ZDHHC11B: variants seen among roughly 807,000 people sequenced by gnomAD.
The protein encoded by ZDHHC11B is probable palmitoyltransferase ZDHHC11B.
In ZDHHC11B, 17 loss-of-function variants were observed where a neutral mutation model predicts 42.3. That is an observed-to-expected ratio of 0.40 (90% confidence interval 0.27 to 0.60). The LOEUF (loss-of-function observed/expected upper bound fraction) is 0.60, where lower values mean the gene tolerates loss of function less well. Ranked by LOEUF, ZDHHC11B falls within the 20% of genes least tolerant of loss-of-function variation. The probability of loss-of-function intolerance (pLI) is 0.41; values close to 1 mark genes in which losing one functional copy is unlikely to be tolerated. For synonymous variants in ZDHHC11B, 123 were observed against 193.5 expected (o/e 0.64, Z 3.02); for missense variants, 262 against 463.2 (o/e 0.57, Z 3.99).
At chr5:767,600 C>A in intron 2 of ZDHHC11B, 76 bp from the exon 3 acceptor site, 3 of 1,157,404 alleles carry the variant, frequency 2.6e-6, no homozygotes, top group Non-Finnish European at 3.6e-6. Flanking sequence ...CCCCGCTTCT[C>A]CAGGGGCTGA....
intron 13 of ZDHHC11B, among the ~76,000 whole-genome samples, chr5:714,003 T>C (rs1354136706): frequency 3.6e-5 from 5 of 140,288 alleles, no homozygotes; most frequent in African/African-American, 1.3e-4. Flanking sequence ...AGATTTCTCT[T>C]TGGGTTCCTC....
At chr5:754,885 G>A (rs1733597481) in intron 6 of ZDHHC11B, 113 bp downstream of exon 6, 2 of 435,290 alleles carry the variant, frequency 4.6e-6, no homozygotes, top group South Asian at 3.6e-5. Context: ...ACAGGGACGT[G>A]GCCCCAAGAG....
chr5:727,040 C>T lies in ZDHHC11B; in HGVS notation c.1058+3394G>A, dbSNP rs1254902424. On this transcript the variant is annotated intron_variant, in intron 12 of 13. Transcript: ENST00000508859. ...GGTTGTGTGAAAGAGCATTTTCACA[C>T]TAAGTGATATGTAATCCTTGATTGC... is the stretch of plus-strand genomic sequence containing the variant. Among the ~76,000 whole-genome samples the T allele has an allele frequency of 1.5e-5, 2 of 131,794 alleles. 1 individual carries two copies. The highest frequency in any genetic ancestry group is 3.3e-5 in the Non-Finnish European group (2 of 61,268). 86.5% of individuals were successfully genotyped at this position (131,794 alleles called of 152,430 possible).
intron 4 of ZDHHC11B, among the ~76,000 whole-genome samples, chr5:764,273 G>A (rs1734991790): frequency 6.6e-6 from 1 of 151,922 alleles, no homozygotes; most frequent in African/African-American, 2.4e-5. Context: ...CGGCCTCGGT[G>A]CCCACTCTGG....
chr5:767,396 G>C lies in ZDHHC11B; in HGVS notation c.-5C>G, dbSNP rs1407240387. Reference sequence around the variant, plus strand: ...CTCCCCGGGGCCAACACCTGCCTCGGCGCACACTGCACGCCTGTCTCATCT... The same window carrying C: ...CTCCCCGGGGCCAACACCTGCCTCGCCGCACACTGCACGCCTGTCTCATCT... On this transcript the variant is annotated 5_prime_UTR_variant, in exon 3 of 14. Coordinates refer to ENST00000508859, the MANE Select transcript of ZDHHC11B (RefSeq NM_001351303.2). 6.4e-7 allele frequency: 1 copy of C among 1,566,008 alleles called. No individual in the cohort carries two copies. Among genetic ancestry groups the C allele is most frequent in the African/African-American group, 1.4e-5 (1 of 73,554 alleles).
rs546254504 is a variant in ZDHHC11B at position 717,204 on chromosome 5, C to T, written c.1059-339G>A. On this transcript the variant is annotated intron_variant, in intron 12 of 13. Coordinates refer to ENST00000508859, the MANE Select transcript of ZDHHC11B (RefSeq NM_001351303.2). Reference sequence around the variant, plus strand: ...GCGAAATGTGGGGCCCACAGGAGGTCAGCTCATGCCTGGTACCTTCTTCTC... The same window carrying T: ...GCGAAATGTGGGGCCCACAGGAGGTTAGCTCATGCCTGGTACCTTCTTCTC... 4.3e-4 allele frequency among the ~76,000 whole-genome samples: 65 copies of T among 151,346 alleles called. 1 individual carries two copies. The highest frequency in any genetic ancestry group is 8.1e-4 in the Non-Finnish European group (55 of 67,926).
At chr5:777,408 A>T (rs976351795) in intron 1 of ZDHHC11B, among the ~76,000 whole-genome samples, 2 of 151,818 alleles carry the variant, frequency 1.3e-5, no homozygotes, top group African/African-American at 4.8e-5. Context: ...CCTCAAGAGC[A>T]AAGCTGCAGA....
At chr5:760,032 T>G (rs6883573) in intron 4 of ZDHHC11B, among the ~76,000 whole-genome samples, 85,576 of 150,842 alleles carry the variant, frequency 0.57, 21,586 homozygotes, top group East Asian at 0.8. Context: ...GGGCACCAAG[T>G]GCTCCTTTAG....
intron 1 of ZDHHC11B, among the ~76,000 whole-genome samples, chr5:780,795 C>T (rs1381812684): frequency 4.0e-3 from 602 of 149,800 alleles, no homozygotes; most frequent in African/African-American, 0.015. Context: ...ATGGCCCAGG[C>T]TCCTCAGGCA....
rs1451068881 is a variant in ZDHHC11B, at chr5:734,056, C to G, written c.936-217G>C. ...GCTTCTCGTGTAAAGGACCATGACT[C>G]TTTGCCACTGGGACAATGCAAAGCA... On this transcript the variant is annotated intron_variant, in intron 10 of 13. Coordinates refer to ENST00000508859, the MANE Select transcript of ZDHHC11B (RefSeq NM_001351303.2). Among the ~76,000 whole-genome samples the G allele has an allele frequency of 4.1e-5, 6 of 145,304 alleles. 1 individual carries two copies. Among genetic ancestry groups the G allele is most frequent in the African/African-American group, 1.6e-4 (6 of 37,848 alleles).
At position 748,522 on chromosome 5, in the gene ZDHHC11B, G is replaced by C; in HGVS notation, c.666C>G (p.Pro222=). 1 of 1,365,362 alleles carries C rather than the reference G, an allele frequency of 7.3e-7. No homozygotes were observed. Among genetic ancestry groups the C allele is most frequent in the Middle Eastern group, 1.9e-4 (1 of 5,240 alleles). The allele number at this position is 1,365,362 out of a possible 1,614,324, so 84.6% of individuals were successfully genotyped here. A position where few individuals can be genotyped will look rare whatever the true frequency, so the allele number is the denominator to read the frequency against. ...GAGTCTGCACCTGCACCGGGAACAG[G>C]GGGAGGAACAGCAGCCACGTGTTCA... ...KNMNTWLLFL[P]LFPVQVQTLI... Residue 222 remains proline, a synonymous_variant, in exon 8 of 14, where the codon CCC becomes CCG. Coordinates refer to ENST00000508859, the MANE Select transcript of ZDHHC11B (RefSeq NM_001351303.2).
intron 10 of ZDHHC11B, among the ~76,000 whole-genome samples, chr5:739,255 G>C (rs1743885988): frequency 6.6e-6 from 1 of 150,824 alleles, no homozygotes; most frequent in South Asian, 2.1e-4. Flanking sequence ...AAAATTAGCT[G>C]GGCGTGCTGG....
chr5:746,751 C>T (rs147176103), intron 8 of ZDHHC11B, among the ~76,000 whole-genome samples: 1 of 150,388 alleles, frequency 6.6e-6, no homozygotes, highest in Non-Finnish European at 1.5e-5. Flanking sequence ...AAGGAGCCTG[C>T]AGCCCCCCAC....
chr5:775,788 C>T (rs952386177), intron 1 of ZDHHC11B, among the ~76,000 whole-genome samples: 1 of 151,726 alleles, frequency 6.6e-6, no homozygotes, highest in African/African-American at 2.4e-5. Flanking sequence ...CAACCCCTTC[C>T]TTCCATGCCC....
chr5:772,929 TA>T (rs1290731782), intron 1 of ZDHHC11B, among the ~76,000 whole-genome samples: 3 of 151,894 alleles, frequency 2.0e-5, no homozygotes, highest in Non-Finnish European at 4.4e-5. Flanking sequence ...AAAATATTTT[TA>T]AAAAAGTTTT....
chr5:748,593 A>G lies in ZDHHC11B; in HGVS notation c.629-34T>C, dbSNP rs759926570. ...ACAAGGGAGAGACACTGTGTCCAGC[A>G]CCTGCTGACGGGTGCCACATCAGGT... is the stretch of plus-strand genomic sequence containing the variant. On this transcript the variant is annotated intron_variant, in intron 7 of 13. Transcript: ENST00000508859. 5.9e-6 allele frequency: 8 copies of G among 1,347,546 alleles called. No homozygotes were observed. In the African/African-American group the frequency reaches 1.1e-4, roughly 19 times the overall value. 83.5% of individuals were successfully genotyped at this position (1,347,546 alleles called of 1,614,324 possible).
chr5:733,467 C>T (rs1743212652), intron 11 of ZDHHC11B, among the ~76,000 whole-genome samples: 1 of 151,580 alleles, frequency 6.6e-6, no homozygotes, highest in South Asian at 2.1e-4. Flanking sequence ...CAGACCCTGC[C>T]CTGGGCATCT....
chr5:730,387 C>T, intron 12 of ZDHHC11B, 47 bp downstream of exon 12: 3 of 1,557,818 alleles, frequency 1.9e-6, no homozygotes, highest in Non-Finnish European at 2.6e-6. Flanking sequence ...TGAGTTCAGG[C>T]AAGTGTACAG....
intron 1 of ZDHHC11B, among the ~76,000 whole-genome samples, chr5:771,608 T>C (rs570030396): frequency 6.6e-6 from 1 of 151,840 alleles, no homozygotes; most frequent in African/African-American, 2.4e-5. Context: ...GCTGACAACA[T>C]TTCTTTGAAA....
Sources: gnomAD v4.1 joint callset for allele counts (sites outside exome capture counted in the v4.1 genomes callset) on GRCh38, gnomAD v4.1.1 for gene constraint, MANE v1.5 for transcripts, NCBI Gene and HGNC (gene_info 2026-07-23, HGNC 2026-07-21) for gene names.